Variants in EPB41L3 observed in about 807,000 individuals in gnomAD.
The protein encoded by EPB41L3 is band 4.1-like protein 3.
A neutral mutation model predicts 127.1 loss-of-function variants in EPB41L3; 57 were observed. The ratio of observed to expected loss-of-function variants is 0.45; its 90% CI spans 0.36 to 0.56. The LOEUF is 0.56. Among genes scored for constraint, EPB41L3 ranks in the 20% least tolerant of loss-of-function variants. The pLI is 0.00. For synonymous variants in EPB41L3, 572 were observed against 549.5 expected, an observed-to-expected ratio of 1.04 and a Z score of -0.57; for missense variants, 1,273 against 1,372.2, an observed-to-expected ratio of 0.93 and a Z score of 1.14.
intron 6 of EPB41L3, 147 bp downstream of exon 6, chr18:5,437,888 T>C: frequency 1.6e-6 from 1 of 610,828 alleles, no homozygotes; most frequent in Non-Finnish European, 2.8e-6. Flanking sequence ...TCATCAGATG[T>C]TTGCTCTCGT....
intron 1 of EPB41L3, among the ~76,000 whole-genome samples, chr18:5,493,529 C>G (rs936776816): frequency 5.3e-5 from 8 of 151,978 alleles, no homozygotes; most frequent in Non-Finnish European, 8.8e-5. Context: ...AACTAGAAGA[C>G]AGTAATATTC....
intron 3 of EPB41L3, among the ~76,000 whole-genome samples, chr18:5,605,753 C>T (rs1157875050): frequency 6.6e-6 from 1 of 152,048 alleles, no homozygotes; most frequent in Non-Finnish European, 1.5e-5. Flanking sequence ...ACAATGAAGG[C>T]AGGTAATACA....
intron 16 of EPB41L3, chr18:5,398,710 G>A (rs2074003926): frequency 2.5e-6 from 1 of 399,286 alleles, no homozygotes; most frequent in Admixed American, 4.4e-5. Flanking sequence ...GTAAAGGCTG[G>A]TTCCTGGGAA....
chr18:5,412,004 TAAC>T (rs996942543), intron 13 of EPB41L3, among the ~76,000 whole-genome samples: 7 of 152,152 alleles, frequency 4.6e-5, no homozygotes, highest in Non-Finnish European at 1.0e-4. Flanking sequence ...CCGGCTTGGT[TAAC>T]AACTGGGGGC....
intron 3 of EPB41L3, among the ~76,000 whole-genome samples, chr18:5,609,918 A>G (rs1043393791): frequency 6.6e-6 from 1 of 152,170 alleles, no homozygotes; most frequent in Non-Finnish European, 1.5e-5. Context: ...GCCATTGAAT[A>G]TGATTCATCT....
chr18:5,494,006 A>C (rs1417886172), intron 1 of EPB41L3, among the ~76,000 whole-genome samples: 1 of 152,144 alleles, frequency 6.6e-6, no homozygotes, highest in Non-Finnish European at 1.5e-5. Flanking sequence ...CTCACTCTTT[A>C]AATTCTCTTT....
chr18:5,472,447 T>C (rs1687484718), intron 3 of EPB41L3, among the ~76,000 whole-genome samples: 1 of 152,178 alleles, frequency 6.6e-6, no homozygotes, highest in Admixed American at 6.5e-5. Flanking sequence ...TGATGTAAGT[T>C]CTTCAGTTGA....
intron 3 of EPB41L3, among the ~76,000 whole-genome samples, chr18:5,476,659 G>C (rs1016716833): frequency 6.6e-6 from 1 of 152,142 alleles, no homozygotes; most frequent in Non-Finnish European, 1.5e-5. Flanking sequence ...TCAAAGTTAA[G>C]AGGAAAAGTT....
intron 1 of EPB41L3, among the ~76,000 whole-genome samples, chr18:5,496,668 GT>G (rs964812235): frequency 4.6e-5 from 7 of 152,206 alleles, no homozygotes; most frequent in Admixed American, 2.6e-4. Flanking sequence ...CTAAGATTTC[GT>G]TTTGCTATTT....
chr18:5,609,411 C>T (rs2094700618), intron 3 of EPB41L3, among the ~76,000 whole-genome samples: 1 of 152,186 alleles, frequency 6.6e-6, no homozygotes, highest in East Asian at 1.9e-4. Context: ...TTCCTGCTGT[C>T]TATTCTGCAT....
intron 5 of EPB41L3, among the ~76,000 whole-genome samples, chr18:5,441,230 G>A (rs1040201854): frequency 1.3e-5 from 2 of 151,938 alleles, no homozygotes; most frequent in African/African-American, 4.8e-5. Flanking sequence ...TTGTTAGCTC[G>A]GTTTCCATTT....
intron 3 of EPB41L3, among the ~76,000 whole-genome samples, chr18:5,460,074 T>A (rs997755494): frequency 5.3e-5 from 8 of 152,168 alleles, no homozygotes; most frequent in African/African-American, 1.9e-4. Context: ...ATTTTGGAGT[T>A]TCCAGTGTCT....
chr18:5,502,600 A>T (rs996198058), intron 1 of EPB41L3, among the ~76,000 whole-genome samples: 2 of 152,224 alleles, frequency 1.3e-5, no homozygotes, highest in Non-Finnish European at 2.9e-5. Flanking sequence ...GGGTTCCTCA[A>T]ACATGCATGG....
chr18:5,444,343 C>T (rs762870050), intron 4 of EPB41L3, among the ~76,000 whole-genome samples: 8 of 152,156 alleles, frequency 5.3e-5, no homozygotes, highest in Admixed American at 1.3e-4. Flanking sequence ...CTGTGATTTC[C>T]GATTTTCCTC....
Position 5,505,331 on chromosome 18 carries a change from C to T in EPB41L3, c.-11-16137G>A, listed in dbSNP as rs573474815. On this transcript the variant is annotated intron_variant, in intron 1 of 22. Coordinates refer to ENST00000341928, the MANE Select transcript of EPB41L3 (RefSeq NM_012307.5). ...AAAACATCAAGAAGTAACTTTTCCT[C>T]ATGCACCACATGGTCCTTCAGCAAA... Among the ~76,000 whole-genome samples the T allele has an allele frequency of 3.9e-5, 6 of 152,218 alleles. No individual in the cohort carries two copies. The South Asian group carries it at 1.0e-3, about 26-fold the overall frequency.
chr18:5,615,383 T>G (rs1172377304), intron 1 of EPB41L3, among the ~76,000 whole-genome samples: 1 of 152,094 alleles, frequency 6.6e-6, no homozygotes, highest in Non-Finnish European at 1.5e-5. Flanking sequence ...TAATTTTTAA[T>G]TTTTGTGGGT....
intron 3 of EPB41L3, among the ~76,000 whole-genome samples, chr18:5,582,064 T>C (rs1445510691): frequency 1.3e-5 from 2 of 152,212 alleles, no homozygotes; most frequent in African/African-American, 2.4e-5. Flanking sequence ...GGAACATAAA[T>C]AAAGGTTTGG....
At chr18:5,594,860 A>G (rs1402151778) in intron 3 of EPB41L3, among the ~76,000 whole-genome samples, 2 of 152,254 alleles carry the variant, frequency 1.3e-5, no homozygotes, top group Non-Finnish European at 2.9e-5. Context: ...TTATCAAGAC[A>G]AAACTATTGA....
chr18:5,394,416 AG>A, intron 22 of EPB41L3: 1 of 350,476 alleles, frequency 2.9e-6, no homozygotes, highest in Admixed American at 4.1e-5. Context: ...AGGGAACACC[AG>A]GAAGACCACA....
Sources: gnomAD v4.1 joint callset for allele counts (sites outside exome capture counted in the v4.1 genomes callset) on GRCh38, gnomAD v4.1.1 for gene constraint, MANE v1.5 for transcripts, NCBI Gene and HGNC (gene_info 2026-07-23, HGNC 2026-07-21) for gene names.